OR51B5: variants seen among roughly 807,000 people sequenced by gnomAD.
The protein encoded by OR51B5 is olfactory receptor 51B5.
For missense variants in OR51B5, 456 were observed against 374.6 expected (o/e 1.22, Z -1.79); for synonymous variants, 186 against 144.8 (o/e 1.28, Z -2.04).
chr11:5,349,652 A>T (rs1011039302), intron 1 of OR51B5, among the ~76,000 whole-genome samples: 1 of 152,200 alleles, frequency 6.6e-6, no homozygotes, highest in Admixed American at 6.5e-5. Context: ...ACAATAAGTT[A>T]TATACCTATG....
chr11:5,497,078 G>T (rs1199746839), intron 1 of OR51B5, among the ~76,000 whole-genome samples: 3 of 152,114 alleles, frequency 2.0e-5, no homozygotes, highest in Middle Eastern at 6.8e-3. Flanking sequence ...GAGAGGAAAG[G>T]AAAGAGAGGA....
chr11:5,348,749 C>G (rs2133684439), intron 1 of OR51B5, among the ~76,000 whole-genome samples: 1 of 152,220 alleles, frequency 6.6e-6, no homozygotes, highest in South Asian at 2.1e-4. Context: ...CTCTCCCAGT[C>G]TACTGACTCA....
At chr11:5,389,573 A>T (rs1564796939) in intron 1 of OR51B5, 1 of 1,613,706 alleles carries the variant, frequency 6.2e-7, no homozygotes, top group Non-Finnish European at 8.5e-7. Context: ...TTTCATTCTG[A>T]TCATTATTAA....
chr11:5,410,193 T>C (rs971924287), intron 1 of OR51B5, among the ~76,000 whole-genome samples: 18 of 151,980 alleles, frequency 1.2e-4, no homozygotes, highest in Admixed American at 2.0e-4. Context: ...ATTAAAAGCA[T>C]CGGAAAAGGT....
intron 1 of OR51B5, among the ~76,000 whole-genome samples, chr11:5,498,309 T>C (rs867490812): frequency 1.3e-5 from 2 of 152,206 alleles, no homozygotes; most frequent in South Asian, 4.1e-4. Flanking sequence ...CTGCTAACCA[T>C]GACAGGTGAT....
intron 1 of OR51B5, among the ~76,000 whole-genome samples, chr11:5,411,670 G>A (rs932764613): frequency 2.6e-5 from 4 of 152,222 alleles, no homozygotes; most frequent in Non-Finnish European, 4.4e-5. Flanking sequence ...AGTTAAGGCT[G>A]CAGATGGAAT....
chr11:5,497,722 ACTC>A (rs1217669630), intron 1 of OR51B5, among the ~76,000 whole-genome samples: 1 of 152,124 alleles, frequency 6.6e-6, no homozygotes, highest in African/African-American at 2.4e-5. Context: ...AGGTGGCTAA[ACTC>A]CTATTTTAAC....
At chr11:5,372,756 T>C (rs1374303825) in intron 1 of OR51B5, among the ~76,000 whole-genome samples, 1 of 152,254 alleles carries the variant, frequency 6.6e-6, no homozygotes, top group Non-Finnish European at 1.5e-5. Context: ...TTTAGTTTGA[T>C]GTTGCTCCAC....
intron 1 of OR51B5, among the ~76,000 whole-genome samples, chr11:5,369,436 T>C (rs1358732251): frequency 6.6e-6 from 1 of 152,136 alleles, no homozygotes; most frequent in Non-Finnish European, 1.5e-5. Flanking sequence ...TAAAACTCTA[T>C]GAAACAGACT....
At chr11:5,422,751 A>G (rs1254289028) in intron 1 of OR51B5, 5 of 1,613,994 alleles carry the variant, frequency 3.1e-6, no homozygotes, top group African/African-American at 2.7e-5. Context: ...TGCCTCCACC[A>G]GGATATGATC....
intron 1 of OR51B5, among the ~76,000 whole-genome samples, chr11:5,412,655 A>C (rs1387770949): frequency 1.3e-5 from 2 of 152,214 alleles, no homozygotes; most frequent in African/African-American, 2.4e-5. Flanking sequence ...CACATGGCTC[A>C]GAGGGTCCTA....
chr11:5,375,873 T>C (rs1190208569), intron 1 of OR51B5, among the ~76,000 whole-genome samples: 7 of 152,180 alleles, frequency 4.6e-5, no homozygotes, highest in East Asian at 3.9e-4. Context: ...GAGACTTTAA[T>C]ACCCCACTGT....
intron 1 of OR51B5, among the ~76,000 whole-genome samples, chr11:5,457,891 T>C (rs1850983616): frequency 6.6e-6 from 1 of 152,144 alleles, no homozygotes; most frequent in Non-Finnish European, 1.5e-5. Context: ...AGTTTGGAAG[T>C]ATTCACTCCC....
At chr11:5,447,868 C>T (rs368587530) in intron 1 of OR51B5, among the ~76,000 whole-genome samples, 1 of 152,118 alleles carries the variant, frequency 6.6e-6, no homozygotes, top group East Asian at 1.9e-4. Context: ...CTCTTAAAGA[C>T]CTCAGAATTA....
At chr11:5,374,801 T>G (rs368459793) in intron 1 of OR51B5, among the ~76,000 whole-genome samples, 2 of 151,868 alleles carry the variant, frequency 1.3e-5, no homozygotes, top group African/African-American at 4.8e-5. Flanking sequence ...TAAAAAGAAA[T>G]GAACAAAGCC....
At chr11:5,399,567 C>T (rs1418181980) in intron 1 of OR51B5, among the ~76,000 whole-genome samples, 1 of 152,158 alleles carries the variant, frequency 6.6e-6, no homozygotes, top group East Asian at 1.9e-4. Context: ...GTCCCACATT[C>T]TACTTTTTTT....
At chr11:5,454,653 A>C (rs986357647) in intron 1 of OR51B5, 1 of 386,204 alleles carries the variant, frequency 2.6e-6, no homozygotes. Context: ...GCAATTGAGT[A>C]ATTAGACAAG....
intron 1 of OR51B5, chr11:5,392,441 C>A (rs1268459236): frequency 6.6e-6 from 1 of 152,312 alleles, no homozygotes; most frequent in East Asian, 1.9e-4. Flanking sequence ...TAGATTAGCA[C>A]TGAAGTCCCA....
intron 1 of OR51B5, among the ~76,000 whole-genome samples, chr11:5,360,997 G>T (rs1196712441): frequency 6.6e-6 from 1 of 151,290 alleles, no homozygotes; most frequent in African/African-American, 2.4e-5. Flanking sequence ...CAGTGGGGTG[G>T]GGGTCGGGGG....
Sources: gnomAD v4.1 joint callset for allele counts (sites outside exome capture counted in the v4.1 genomes callset) on GRCh38, gnomAD v4.1.1 for gene constraint, MANE v1.5 for transcripts, NCBI Gene and HGNC (gene_info 2026-07-23, HGNC 2026-07-21) for gene names.